The following CCNT2 variants were observed in gnomAD, a reference collection of about 807,000 sequenced individuals.
CCNT2 encodes cyclin-T2.
CCNT2 carries 18 observed loss-of-function variants against 70.0 expected under a neutral mutation model. The observed-to-expected ratio is 0.26, with a 90% confidence interval of 0.18 to 0.38. The LOEUF is 0.38. CCNT2 is among the 10% of genes least tolerant of loss of function. The pLI is 1.00. For synonymous variants in CCNT2, 334 were observed against 313.3 expected, an observed-to-expected ratio of 1.07 and a Z score of -0.70; for missense variants, 734 against 890.2, an observed-to-expected ratio of 0.82 and a Z score of 2.23.
chr2:134,946,556 A>C, intron 6 of CCNT2: 44 of 269,374 alleles, frequency 1.6e-4, no homozygotes, highest in Non-Finnish European at 2.5e-4. Flanking sequence ...TAAAATACTC[A>C]TTAAAGTTTT....
intron 2 of CCNT2, among the ~76,000 whole-genome samples, chr2:134,932,248 G>A (rs1680834271): frequency 1.3e-5 from 2 of 152,168 alleles, no homozygotes; most frequent in South Asian, 2.1e-4. Flanking sequence ...TGATCCGCCC[G>A]TCTTGGCATC....
At chr2:134,921,064 C>G (rs1419893609) in intron 2 of CCNT2, among the ~76,000 whole-genome samples, 1 of 152,104 alleles carries the variant, frequency 6.6e-6, no homozygotes, top group African/African-American at 2.4e-5. Flanking sequence ...TTGTGCATAA[C>G]ATTTAGGTCA....
chr2:134,935,647 CATT>C (rs1439154123), intron 2 of CCNT2, among the ~76,000 whole-genome samples: 2 of 152,094 alleles, frequency 1.3e-5, no homozygotes, highest in East Asian at 1.9e-4. Flanking sequence ...AATCTTAAAA[CATT>C]ATTTGAGTTT....
intron 3 of CCNT2, 60 bp from the exon 4 acceptor site, chr2:134,938,942 C>A: frequency 1.9e-6 from 2 of 1,047,504 alleles, no homozygotes; most frequent in Non-Finnish European, 3.0e-6. Context: ...ATGTAACAGT[C>A]ATGCAGTCTA....
chr2:134,944,020 A>C (rs1211328327), intron 5 of CCNT2: 1 of 984,580 alleles, frequency 1.0e-6, no homozygotes, highest in Non-Finnish European at 1.2e-6. Context: ...CAATTTTTTA[A>C]AAACTGTCTG....
chr2:134,937,442 G>C (rs1311304040), intron 3 of CCNT2, among the ~76,000 whole-genome samples: 1 of 152,080 alleles, frequency 6.6e-6, no homozygotes, highest in East Asian at 1.9e-4. Context: ...ACATAAAGCT[G>C]CATTTTATTT....
At chr2:134,937,366 A>G (rs1411564505) in intron 3 of CCNT2, among the ~76,000 whole-genome samples, 2 of 152,232 alleles carry the variant, frequency 1.3e-5, no homozygotes, top group Admixed American at 1.3e-4. Flanking sequence ...ATTTACCCCT[A>G]GATGAGTAGT....
At chr2:134,944,803 C>G (rs1681830908) in intron 5 of CCNT2, 2 of 985,340 alleles carry the variant, frequency 2.0e-6, no homozygotes, top group East Asian at 1.1e-4. Context: ...CATTTCCCCT[C>G]TATTCTCTGT....
intron 4 of CCNT2, among the ~76,000 whole-genome samples, chr2:134,940,795 T>C (rs893581726): frequency 6.6e-6 from 1 of 152,190 alleles, no homozygotes; most frequent in Non-Finnish European, 1.5e-5. Flanking sequence ...ACAAAGTGCC[T>C]CTAGTGATGC....
At chr2:134,921,858 T>C (rs1679934380) in intron 2 of CCNT2, among the ~76,000 whole-genome samples, 1 of 151,208 alleles carries the variant, frequency 6.6e-6, no homozygotes, top group Admixed American at 6.6e-5. Context: ...TAATGTCTTA[T>C]TGTGTATGAA....
Position 134,954,399 on chromosome 2 carries a change from C to T in CCNT2, c.1944C>T (p.Ser648=), listed in dbSNP as rs1682778117. 1.2e-6 allele frequency: 2 copies of T among 1,613,956 alleles called. No homozygotes were observed. Among genetic ancestry groups the T allele is most frequent in the Non-Finnish European group, 1.7e-6 (2 of 1,179,954 alleles). The change falls in exon 9 of 9, where the codon TCC becomes TCT. Residue 648 remains serine (S), a synonymous_variant. Transcript: ENST00000264157. ...SKSSGSSSSS[S]SSVKQYISSH... ...GTTCAGGTAGTTCATCTAGTTCTTCCTCCTCTGTTAAGCAGTATATATCCT... is the reference window on the plus strand; with the variant it reads ...GTTCAGGTAGTTCATCTAGTTCTTCTTCCTCTGTTAAGCAGTATATATCCT...
chr2:134,945,167 G>A (rs1681858963), intron 5 of CCNT2: 1 of 985,220 alleles, frequency 1.0e-6, no homozygotes, highest in African/African-American at 1.7e-5. Flanking sequence ...AAACCTTTAT[G>A]TTGATGATCC....
chr2:134,941,894 C>T (rs964915848), intron 4 of CCNT2, among the ~76,000 whole-genome samples: 3 of 152,090 alleles, frequency 2.0e-5, no homozygotes, highest in African/African-American at 4.8e-5. Flanking sequence ...ATATAGACCA[C>T]ACAACAACTT....
rs1683081836 is a variant in CCNT2, at chr2:134,959,296, T to C, written c.*4648T>C. 6.6e-6 allele frequency: 1 copy of C among 152,242 alleles called. No individual in the cohort carries two copies. The highest frequency in any genetic ancestry group is 2.4e-5 in the African/African-American group (1 of 41,466). 9.4% of individuals were successfully genotyped at this position (152,242 alleles called of 1,614,324 possible). A position where few individuals can be genotyped will look rare whatever the true frequency, so the allele number is the denominator to read the frequency against. ...CATGAATTAGTCATTGACTTTAAGC[T>C]TCTTATCCATACAAGGAACTAATAA... is the stretch of plus-strand genomic sequence containing the variant. On this transcript the variant is annotated 3_prime_UTR_variant, in exon 9 of 9. Coordinates refer to ENST00000264157, the MANE Select transcript of CCNT2 (RefSeq NM_058241.3).
intron 3 of CCNT2, among the ~76,000 whole-genome samples, chr2:134,938,173 A>G (rs1681300198): frequency 6.6e-6 from 1 of 152,182 alleles, no homozygotes; most frequent in African/African-American, 2.4e-5. Context: ...ATTCAGAACT[A>G]TTTCTTGGGG....
intron 5 of CCNT2, 50 bp from the exon 6 acceptor site, chr2:134,946,051 A>G (rs1681937085): frequency 1.2e-6 from 2 of 1,607,552 alleles, no homozygotes; most frequent in Admixed American, 1.7e-5. Context: ...TTTTGATTGT[A>G]GCACGTTAAG....
intron 2 of CCNT2, among the ~76,000 whole-genome samples, chr2:134,933,900 C>T (rs1680964509): frequency 6.6e-6 from 1 of 152,094 alleles, no homozygotes; most frequent in African/African-American, 2.4e-5. Flanking sequence ...TAATATTTCT[C>T]CCATTTTACA....
At chr2:134,938,159 A>G (rs1430523550) in intron 3 of CCNT2, among the ~76,000 whole-genome samples, 1 of 152,202 alleles carries the variant, frequency 6.6e-6, no homozygotes, top group African/African-American at 2.4e-5. Flanking sequence ...TATTAACTGT[A>G]CAAATTCAGA....
chr2:134,948,976 A>G (rs1047271765), intron 7 of CCNT2, among the ~76,000 whole-genome samples: 39 of 151,766 alleles, frequency 2.6e-4, no homozygotes, highest in African/African-American at 9.2e-4. Context: ...TGTCCTCCCA[A>G]AGTGCTGGGA....
Sources: gnomAD v4.1 joint callset for allele counts (sites outside exome capture counted in the v4.1 genomes callset) on GRCh38, gnomAD v4.1.1 for gene constraint, MANE v1.5 for transcripts, NCBI Gene and HGNC (gene_info 2026-07-23, HGNC 2026-07-21) for gene names.